DVL1: variants seen among roughly 807,000 people sequenced by gnomAD.
DVL1 encodes the protein dishevelled segment polarity protein 1, also known as segment polarity protein dishevelled homolog DVL-1.
A neutral mutation model predicts 65.0 loss-of-function variants in DVL1; 49 were observed. That is an observed-to-expected ratio of 0.75 (90% confidence interval 0.60 to 0.96). The LOEUF (loss-of-function observed/expected upper bound fraction) is 0.96, where lower values mean the gene tolerates loss of function less well. Ranked by LOEUF, DVL1 falls within the 40% of genes least tolerant of loss-of-function variation. The pLI is 0.00. For missense variants in DVL1, 1,197 were observed against 1,045.4 expected (o/e 1.15, Z -2.00); for synonymous variants, 608 against 433.9 (o/e 1.40, Z -4.99).
chr1:1,347,278 C>T (rs1643929714), intron 1 of DVL1, among the ~76,000 whole-genome samples: 1 of 152,188 alleles, frequency 6.6e-6, no homozygotes, highest in Admixed American at 6.5e-5. Flanking sequence ...CACTGAAGCT[C>T]CCCTGTCTCT....
chr1:1,341,593 G>GACACAC (rs145370195), intron 5 of DVL1, 74 bp downstream of exon 5: 24 of 1,510,740 alleles, frequency 1.6e-5, no homozygotes, highest in Middle Eastern at 1.8e-4. Context: ...ACCTCATGCA[G>GACACAC]ACACATGCAC....
At chr1:1,341,869 C>T in intron 4 of DVL1, 64 bp from the exon 5 acceptor site, 2 of 1,502,032 alleles carry the variant, frequency 1.3e-6, no homozygotes, top group Non-Finnish European at 1.8e-6. Flanking sequence ...TTTGGGGCTG[C>T]CTGGGCAGTG....
At position 1,342,389 on chromosome 1, in the gene DVL1, G is replaced by C. The variant is rs778898881; in HGVS notation, c.336C>G (p.Ile112Met). 1.9e-6 allele frequency: 3 copies of C among 1,588,250 alleles called. No homozygotes were observed. The highest frequency in any genetic ancestry group is 2.6e-6 in the Non-Finnish European group (3 of 1,169,050). The stretch of plus-strand genomic sequence containing the variant: ...GGAAGGAGGGGGGCCGGGAGTCCCC[G>C]ATGCCGCCTGTCCGCTCAAGAGGCG... ...LPPPLERTGG[I>M]GDSRPPSFHP... Residue 112 changes from isoleucine to methionine, a missense_variant, in exon 3 of 15, where the codon ATC becomes ATG. Ile to Met is a conservative substitution (Grantham distance 10). Coordinates refer to ENST00000378888, the MANE Select transcript of DVL1 (RefSeq NM_001330311.2).
chr1:1,348,803 G>T, intron 1 of DVL1, 93 bp downstream of exon 1: 1 of 1,109,474 alleles, frequency 9.0e-7, no homozygotes, highest in Non-Finnish European at 1.1e-6. Flanking sequence ...CCCCGGGGGC[G>T]CGAACGGCTC....
At chr1:1,336,545 C>T (rs1231510752) in intron 14 of DVL1, 30 bp from the exon 15 acceptor site, 3 of 1,484,992 alleles carry the variant, frequency 2.0e-6, no homozygotes, top group African/African-American at 2.9e-5. Context: ...GGGGAAGGAG[C>T]CTGTCAGCAC....
Position 1,349,030 on chromosome 1 carries a change from C to T in DVL1, c.36G>A (p.Glu12=). 1 of 1,562,094 alleles carries T rather than the reference C, an allele frequency of 6.4e-7. No homozygotes were observed. Among genetic ancestry groups the T allele is most frequent in the Non-Finnish European group, 8.7e-7 (1 of 1,151,072 alleles). The change falls in exon 1 of 15, where the codon GAG becomes GAA. Residue 12 remains glutamate, a synonymous_variant. Transcript: ENST00000378888. The surrounding 1 kb of genome is among the most constrained non-coding windows in gnomAD (Gnocchi z 4.1). ...GCTTGACCAGGTACGGCGTCTCCTC[C>T]TCGTCCATGTGGTAGATAATCTTGG... ...AETKIIYHMD[E]EETPYLVKLP...
chr1:1,343,243 T>C (rs1465924395), intron 1 of DVL1, among the ~76,000 whole-genome samples: 1 of 132,728 alleles, frequency 7.5e-6, no homozygotes, highest in Non-Finnish European at 1.6e-5. Context: ...CCTCATCTGT[T>C]CCTGGGGCTT....
At chr1:1,348,051 C>T (rs910586671) in intron 1 of DVL1, among the ~76,000 whole-genome samples, 2 of 152,228 alleles carry the variant, frequency 1.3e-5, no homozygotes, top group Non-Finnish European at 2.9e-5. Context: ...GGAGGCTCAC[C>T]TCCTGGGGCC....
chr1:1,341,443 G>C (rs1643822746), intron 5 of DVL1, among the ~76,000 whole-genome samples: 1 of 151,430 alleles, frequency 6.6e-6, no homozygotes, highest in Non-Finnish European at 1.5e-5. Flanking sequence ...TTTGCACGCG[G>C]GCACACACAC....
Position 1,336,432 on chromosome 1 carries a change from T to C in DVL1, c.1798A>G (p.Ser600Gly). ...KERRAAGAGG[S>G]GSESDHTAPS... ...GCCGTGTGATCCGATTCACTGCCAC[T>C]GCCCCCAGCTCCCGCCGCCCGACGC... Residue 600 changes from serine (S) to glycine (G), a missense_variant, in exon 15 of 15, where the codon AGT (serine) becomes GGT (glycine). Coordinates refer to ENST00000378888, the MANE Select transcript of DVL1 (RefSeq NM_001330311.2). The C allele has an allele frequency of 1.3e-6, 2 of 1,590,592 alleles. No homozygotes were observed. Among genetic ancestry groups the C allele is most frequent in the Admixed American group, 1.7e-5 (1 of 58,450 alleles).
At chr1:1,337,724 C>G (rs1643625527) in intron 14 of DVL1, 1 of 686,694 alleles carries the variant, frequency 1.5e-6, no homozygotes, top group African/African-American at 1.8e-5. Flanking sequence ...CTTCCCTGTC[C>G]TCCCCATTCA....
At position 1,339,720 on chromosome 1, in the gene DVL1, C is replaced by A; in HGVS notation, c.986+16G>T. 1.9e-6 allele frequency: 3 copies of A among 1,612,996 alleles called. No individual in the cohort carries two copies. Among genetic ancestry groups the A allele is most frequent in the Non-Finnish European group, 1.7e-6 (2 of 1,179,850 alleles). ...CCCTGCCTGGCCCCTCCCGCTCCAG[C>A]GCCCCCAGCCCTCACCCCGTCTGGG... On this transcript the variant is annotated intron_variant, in intron 9 of 14. Coordinates refer to ENST00000378888, the MANE Select transcript of DVL1 (RefSeq NM_001330311.2).
At chr1:1,341,162 T>C (rs559275703) in intron 5 of DVL1, among the ~76,000 whole-genome samples, 9 of 116,960 alleles carry the variant, frequency 7.7e-5, no homozygotes, top group South Asian at 5.6e-4. Context: ...CATACACCTG[T>C]ACAAGCACAC....
At chr1:1,345,379 G>C (rs1158120824) in intron 1 of DVL1, among the ~76,000 whole-genome samples, 1 of 152,172 alleles carries the variant, frequency 6.6e-6, no homozygotes, top group Non-Finnish European at 1.5e-5. Flanking sequence ...GGTCTGCCTG[G>C]GGCTCCAGGG....
chr1:1,345,870 A>G (rs2100767452), intron 1 of DVL1, among the ~76,000 whole-genome samples: 1 of 152,166 alleles, frequency 6.6e-6, no homozygotes, highest in South Asian at 2.1e-4. Flanking sequence ...CAGGGCCCTC[A>G]GCCTTGGGGG....
At chr1:1,347,598 T>C (rs1477128775) in intron 1 of DVL1, among the ~76,000 whole-genome samples, 1 of 152,138 alleles carries the variant, frequency 6.6e-6, no homozygotes, top group African/African-American at 2.4e-5. Flanking sequence ...TTTGGTAACT[T>C]TCGTTAGAAT....
Position 1,338,598 on chromosome 1 carries a change from G to C in DVL1, c.1263C>G (p.Val421=), listed in dbSNP as rs753835995. The change falls in exon 12 of 15, where the codon GTC becomes GTG. Residue 421 remains valine (V), a synonymous_variant. Coordinates refer to ENST00000378888, the MANE Select transcript of DVL1 (RefSeq NM_001330311.2). ...CCAGTCCCGAGTCTGGCAGCTGCAT[G>C]ACCCGGACGACGGCGCTCATGTCAC... The part of the protein sequence containing the change: ...VKSDMSAVVR[V]MQLPDSGLEI... 1 of 1,612,124 alleles carries C rather than the reference G, an allele frequency of 6.2e-7. No individual in the cohort carries two copies.
At position 1,336,150 on chromosome 1, in the gene DVL1, T is replaced by C. The variant is rs1031248155; in HGVS notation, c.2080A>G (p.Ile694Val). Reference sequence around the variant, plus strand: ...GGGGCATGCGCCACGAGTCACATGATGTCCACGAAGAACTCGCAGGGGTTC... The same window carrying C: ...GGGGCATGCGCCACGAGTCACATGACGTCCACGAAGAACTCGCAGGGGTTC... ...MGNPCEFFVDIM is the reference protein window; with the variant it reads ...MGNPCEFFVDVM The change falls in exon 15 of 15, where the codon ATC (isoleucine) becomes GTC (valine). Residue 694 changes from isoleucine to valine, a missense_variant. Coordinates refer to ENST00000378888, the MANE Select transcript of DVL1 (RefSeq NM_001330311.2). The C allele has an allele frequency of 9.5e-6, 15 of 1,576,354 alleles. No homozygotes were observed. The highest frequency in any genetic ancestry group is 3.5e-5 in the Admixed American group (2 of 57,264).
chr1:1,345,521 G>T (rs997009562), intron 1 of DVL1, among the ~76,000 whole-genome samples: 1 of 152,190 alleles, frequency 6.6e-6, no homozygotes, highest in Non-Finnish European at 1.5e-5. Context: ...AGCAGCCTCC[G>T]CTGAAACTCA....
Sources: allele counts gnomAD v4.1 joint callset (sites outside exome capture counted in the v4.1 genomes callset), GRCh38; gene constraint gnomAD v4.1.1; non-coding constraint Gnocchi (gnomAD v3.1); transcripts MANE v1.5; gene names NCBI Gene and HGNC (gene_info 2026-07-23, HGNC 2026-07-21).